The following FRYL variants were observed in gnomAD, a reference collection of about 807,000 sequenced individuals.
The protein encoded by FRYL is protein furry homolog-like.
Under a neutral mutation model 351.2 loss-of-function variants are expected in FRYL, and 150 were observed. That is an observed-to-expected ratio of 0.43 (90% CI 0.37 to 0.49). The LOEUF is 0.49. Ranked by LOEUF, FRYL falls within the 20% of genes least tolerant of loss-of-function variation. The pLI is 0.00. For synonymous variants in FRYL, 1,153 were observed against 1,257.1 expected (o/e 0.92, Z 1.75); for missense variants, 3,036 against 3,619.3 (o/e 0.84, Z 4.13).
chr4:48,499,253 G>GT lies in FRYL; in HGVS notation c.*168dup, dbSNP rs1210539338. Reference sequence around the variant, plus strand: ...ATTGGCAGCTGTTAAAATATCAGATGTTTTTTTCTTTCAGATCTTTGTTTT... The same window carrying GT: ...ATTGGCAGCTGTTAAAATATCAGATGTTTTTTTTCTTTCAGATCTTTGTTTT... On this transcript the variant is annotated 3_prime_UTR_variant, in exon 64 of 64. Coordinates refer to ENST00000358350, the MANE Select transcript of FRYL (RefSeq NM_015030.2). The GT allele has an allele frequency of 1.3e-5, 8 of 607,802 alleles. No homozygotes were observed. In the Admixed American group the frequency reaches 2.2e-4, roughly 16 times the overall value. 37.7% of individuals were successfully genotyped at this position (607,802 alleles called of 1,614,324 possible).
intron 35 of FRYL, among the ~76,000 whole-genome samples, chr4:48,555,207 A>G (rs1248339429): frequency 6.6e-6 from 1 of 152,194 alleles, no homozygotes; most frequent in Non-Finnish European, 1.5e-5. Flanking sequence ...GTATAATCCC[A>G]TGCTTTTTCT....
At chr4:48,729,825 G>A (rs1014168838) in intron 1 of FRYL, among the ~76,000 whole-genome samples, 5 of 152,118 alleles carry the variant, frequency 3.3e-5, no homozygotes, top group African/African-American at 4.8e-5. Flanking sequence ...AAACCAGAAC[G>A]CCTCTTCTCA....
intron 5 of FRYL, among the ~76,000 whole-genome samples, chr4:48,621,318 T>C (rs1018042845): frequency 2.0e-5 from 3 of 152,194 alleles, no homozygotes; most frequent in African/African-American, 7.2e-5. Flanking sequence ...ATGTAAACAG[T>C]GTGTAAGGCT....
intron 3 of FRYL, among the ~76,000 whole-genome samples, chr4:48,677,600 G>A (rs1298291003): frequency 1.3e-5 from 2 of 151,942 alleles, no homozygotes; most frequent in Non-Finnish European, 2.9e-5. Context: ...TAATAGAGAC[G>A]GGGTTTTGCC....
chr4:48,748,587 C>G (rs542106865), intron 1 of FRYL, among the ~76,000 whole-genome samples: 2 of 152,256 alleles, frequency 1.3e-5, no homozygotes, highest in South Asian at 4.1e-4. Flanking sequence ...CTCCACCTTT[C>G]CCCAGCTACA....
At chr4:48,537,795 C>G (rs1560560065) in intron 47 of FRYL, among the ~76,000 whole-genome samples, 1 of 152,168 alleles carries the variant, frequency 6.6e-6, no homozygotes, top group Non-Finnish European at 1.5e-5. Context: ...ATCCTTCAGG[C>G]TAGGAGGCCA....
chr4:48,612,278 T>A (rs1413642050), intron 7 of FRYL, among the ~76,000 whole-genome samples: 3 of 152,324 alleles, frequency 2.0e-5, no homozygotes, highest in African/African-American at 7.2e-5. Flanking sequence ...CTTTGCATAT[T>A]TTCTTCGAGG....
chr4:48,573,385 G>A (rs969528354), intron 25 of FRYL, 142 bp from the exon 26 acceptor site: 1 of 586,976 alleles, frequency 1.7e-6, no homozygotes, highest in African/African-American at 1.9e-5. Context: ...TTTTTATTTG[G>A]TTTATAAAAT....
chr4:48,678,916 G>C (rs1764204274), intron 3 of FRYL, among the ~76,000 whole-genome samples: 1 of 151,806 alleles, frequency 6.6e-6, no homozygotes, highest in South Asian at 2.1e-4. Flanking sequence ...ATTGTAACAT[G>C]TGTGCTGTAT....
At chr4:48,548,631 C>T in intron 40 of FRYL, 59 bp downstream of exon 40, 7 of 954,790 alleles carry the variant, frequency 7.3e-6, no homozygotes, top group Non-Finnish European at 1.2e-5. Flanking sequence ...TAAAACCATA[C>T]TGCTTTTAAA....
At chr4:48,694,407 C>G (rs1397307467) in intron 2 of FRYL, among the ~76,000 whole-genome samples, 1 of 151,722 alleles carries the variant, frequency 6.6e-6, no homozygotes, top group East Asian at 1.9e-4. Context: ...AAGCAATTCT[C>G]CTGCTCAGCC....
At chr4:48,622,848 A>G (rs1750951133) in intron 5 of FRYL, among the ~76,000 whole-genome samples, 1 of 152,152 alleles carries the variant, frequency 6.6e-6, no homozygotes. Flanking sequence ...GTGGCAATTG[A>G]TACAGAAGGA....
chr4:48,614,732 A>AAAAG (rs1413315210), intron 7 of FRYL, among the ~76,000 whole-genome samples: 1 of 150,202 alleles, frequency 6.7e-6, no homozygotes, highest in African/African-American at 2.4e-5. Flanking sequence ...AAAAAAAAAA[A>AAAAG]AAAAAAAAAA....
chr4:48,531,938 T>A (rs1727748574), intron 49 of FRYL, among the ~76,000 whole-genome samples: 1 of 152,062 alleles, frequency 6.6e-6, no homozygotes, highest in Non-Finnish European at 1.5e-5. Flanking sequence ...CTTCCCTACA[T>A]ATTTTGGCTA....
rs201227168 is a variant in FRYL at position 48,713,415 on chromosome 4, G to A, written c.-383-2717C>T. Among the ~76,000 whole-genome samples, 411 of 152,144 alleles carry A rather than the reference G, an allele frequency of 2.7e-3. 8 individuals carry two copies. In the East Asian group the frequency reaches 0.065, roughly 24 times the overall value. The stretch of plus-strand genomic sequence containing the variant: ...GACACACATAGGCTCAAAATAAAGG[G>A]ATGGAGGAAGATCTACCAAGCAAAT... On this transcript the variant is annotated intron_variant, in intron 1 of 63. Coordinates refer to ENST00000358350, the MANE Select transcript of FRYL (RefSeq NM_015030.2).
At chr4:48,541,081 C>A in intron 45 of FRYL, 121 bp from the exon 46 acceptor site, 1 of 961,732 alleles carries the variant, frequency 1.0e-6, no homozygotes, top group African/African-American at 1.6e-5. Flanking sequence ...TTCAGTATAT[C>A]TGACTTTGTT....
intron 47 of FRYL, among the ~76,000 whole-genome samples, chr4:48,538,635 C>T (rs1207306929): frequency 6.6e-6 from 1 of 152,024 alleles, no homozygotes; most frequent in Non-Finnish European, 1.5e-5. Flanking sequence ...TAATCAAATC[C>T]CAGCTTTTAA....
chr4:48,553,070 TTTTTTTC>T, intron 36 of FRYL, 138 bp downstream of exon 36: 1 of 576,118 alleles, frequency 1.7e-6, no homozygotes, highest in Non-Finnish European at 3.0e-6. Flanking sequence ...GGAAGATTTG[TTTTTTTC>T]TTTTAATAAA....
chr4:48,720,777 C>T (rs1003460519), intron 1 of FRYL, among the ~76,000 whole-genome samples: 1 of 152,144 alleles, frequency 6.6e-6, no homozygotes, highest in Non-Finnish European at 1.5e-5. Flanking sequence ...TTTCACTAAG[C>T]GTGATGTCCT....
Sources: gnomAD v4.1 joint callset for allele counts (sites outside exome capture counted in the v4.1 genomes callset) on GRCh38, gnomAD v4.1.1 for gene constraint, MANE v1.5 for transcripts, NCBI Gene and HGNC (gene_info 2026-07-23, HGNC 2026-07-21) for gene names.